The following FER variants were observed in gnomAD, a reference collection of about 807,000 sequenced individuals.
FER encodes the protein FER tyrosine kinase, also known as tyrosine-protein kinase Fer.
In FER, 63 loss-of-function variants were observed where a neutral mutation model predicts 111.0. That is an observed-to-expected ratio of 0.57 (90% CI 0.46 to 0.70). The LOEUF is 0.70. Among genes scored for constraint, FER ranks in the 30% least tolerant of loss-of-function variants. The probability of loss-of-function intolerance (pLI) is 0.00; values close to 1 mark genes in which losing one functional copy is unlikely to be tolerated. For missense variants in FER, 914 were observed against 954.0 expected (o/e 0.96, Z 0.55); for synonymous variants, 327 against 313.9 (o/e 1.04, Z -0.44).
At chr5:108,803,616 A>AT (rs1028498471) in intron 3 of FER, among the ~76,000 whole-genome samples, 2 of 151,762 alleles carry the variant, frequency 1.3e-5, no homozygotes, top group African/African-American at 4.8e-5. Flanking sequence ...CTTATTTTTG[A>AT]TGAAAGATCA....
rs147894224 is a variant in FER, at chr5:108,968,185, G to A, written c.1656+8838G>A. 3.2e-3 allele frequency among the ~76,000 whole-genome samples: 484 copies of A among 152,304 alleles called. 4 individuals are homozygous for A. Among genetic ancestry groups the A allele is most frequent in the African/African-American group, 0.011 (462 of 41,562 alleles). On this transcript the variant is annotated intron_variant, in intron 13 of 19. Coordinates refer to ENST00000281092, the MANE Select transcript of FER (RefSeq NM_005246.4). ...AGGTATCACTTGAGGTCAGGAGTTCGAGACAAGCCTGGCCAACATGGCAAA... is the reference window on the plus strand; with the variant it reads ...AGGTATCACTTGAGGTCAGGAGTTCAAGACAAGCCTGGCCAACATGGCAAA...
intron 10 of FER, among the ~76,000 whole-genome samples, chr5:108,922,357 G>A (rs1325235609): frequency 3.3e-5 from 5 of 152,178 alleles, no homozygotes; most frequent in African/African-American, 9.7e-5. Flanking sequence ...GGTCTTCCTA[G>A]TGAGGTATCT....
chr5:109,052,109 G>A, intron 16 of FER: 1 of 1,605,190 alleles, frequency 6.2e-7, no homozygotes, highest in Middle Eastern at 1.7e-4. Flanking sequence ...CCATCAGTTT[G>A]GGCAACCTTG....
chr5:109,119,755 C>T (rs1036901672), intron 17 of FER, among the ~76,000 whole-genome samples: 2 of 151,954 alleles, frequency 1.3e-5, no homozygotes, highest in African/African-American at 4.8e-5. Context: ...CCAAGAGTTC[C>T]TTTTTCTCCA....
chr5:109,014,801 C>G (rs1766822448), intron 13 of FER: 1 of 152,146 alleles, frequency 6.6e-6, no homozygotes, highest in East Asian at 1.9e-4. Flanking sequence ...CCATCACGTC[C>G]CTTGTAAGTT....
At chr5:109,014,539 G>A (rs1156543883) in intron 13 of FER, among the ~76,000 whole-genome samples, 1 of 152,126 alleles carries the variant, frequency 6.6e-6, no homozygotes. Flanking sequence ...TTGTTCTTTT[G>A]GCTTAGGATT....
intron 17 of FER, among the ~76,000 whole-genome samples, chr5:109,165,967 A>G (rs889276168): frequency 6.6e-6 from 1 of 152,010 alleles, no homozygotes; most frequent in African/African-American, 2.4e-5. Context: ...AAGGCAGGGG[A>G]AAGGGGTTGT....
intron 17 of FER, among the ~76,000 whole-genome samples, chr5:109,103,718 CTT>C (rs1419735624): frequency 6.6e-6 from 1 of 152,036 alleles, no homozygotes; most frequent in East Asian, 1.9e-4. Context: ...CACTGATAAA[CTT>C]TGTGGTGTGT....
At chr5:109,172,379 C>T (rs185150749) in intron 17 of FER, among the ~76,000 whole-genome samples, 1 of 149,698 alleles carries the variant, frequency 6.7e-6, no homozygotes, top group Admixed American at 6.7e-5. Flanking sequence ...TAAACTATCG[C>T]AAGGACAAAA....
chr5:109,127,364 T>C (rs1292548321), intron 17 of FER, among the ~76,000 whole-genome samples: 1 of 152,306 alleles, frequency 6.6e-6, no homozygotes, highest in East Asian at 1.9e-4. Context: ...TCATATAATA[T>C]GTGCCTCAAC....
intron 18 of FER, among the ~76,000 whole-genome samples, chr5:109,182,985 G>C (rs1371915981): frequency 6.6e-6 from 1 of 152,162 alleles, no homozygotes; most frequent in Non-Finnish European, 1.5e-5. Flanking sequence ...GGGACTGCAG[G>C]CATGAGCCAT....
At chr5:108,882,010 TC>T (rs1765727210) in intron 8 of FER, among the ~76,000 whole-genome samples, 1 of 152,162 alleles carries the variant, frequency 6.6e-6, no homozygotes, top group African/African-American at 2.4e-5. Flanking sequence ...TAAAATTGTA[TC>T]TTAGAAAAAC....
At chr5:108,763,265 A>G (rs1012204313) in intron 1 of FER, among the ~76,000 whole-genome samples, 53 of 152,226 alleles carry the variant, frequency 3.5e-4, no homozygotes, top group African/African-American at 1.3e-3. Context: ...ATACTTTTAT[A>G]TACATACATT....
chr5:109,118,331 C>T (rs1750532524), intron 17 of FER, among the ~76,000 whole-genome samples: 1 of 152,134 alleles, frequency 6.6e-6, no homozygotes, highest in Non-Finnish European at 1.5e-5. Flanking sequence ...TATGTTGAAC[C>T]AGCCTTGCAT....
At chr5:109,115,385 G>C (rs147655966) in intron 17 of FER, among the ~76,000 whole-genome samples, 1 of 152,230 alleles carries the variant, frequency 6.6e-6, no homozygotes, top group African/African-American at 2.4e-5. Context: ...ATTGAAACCA[G>C]GTATTTTCCA....
chr5:108,875,350 TATATA>T (rs1216960346), intron 8 of FER, among the ~76,000 whole-genome samples: 1 of 152,068 alleles, frequency 6.6e-6, no homozygotes, highest in Non-Finnish European at 1.5e-5. Flanking sequence ...GTATCTATTA[TATATA>T]ATATAATTTC....
At chr5:108,995,958 C>A (rs1763929031) in intron 13 of FER, among the ~76,000 whole-genome samples, 1 of 152,214 alleles carries the variant, frequency 6.6e-6, no homozygotes, top group Non-Finnish European at 1.5e-5. Context: ...GATCACCATT[C>A]TAACTGGTGT....
At chr5:108,990,881 A>C (rs1031506017) in intron 13 of FER, among the ~76,000 whole-genome samples, 1 of 151,842 alleles carries the variant, frequency 6.6e-6, no homozygotes, top group African/African-American at 2.4e-5. Flanking sequence ...ATGATTTTTC[A>C]CACTGATACT....
chr5:109,189,127 T>TAAC lies in FER; in HGVS notation c.*1553_*1555dup, dbSNP rs1482654895. On this transcript the variant is annotated 3_prime_UTR_variant, in exon 20 of 20. Coordinates refer to ENST00000281092, the MANE Select transcript of FER (RefSeq NM_005246.4). ...GAAGATGTCTCATGTGAATAAAATGTAACTCACTCACTCAGTTAAAACTAG... is the reference window on the plus strand; with the variant it reads ...GAAGATGTCTCATGTGAATAAAATGTAACAACTCACTCACTCAGTTAAAACTAG... 2.0e-5 allele frequency: 3 copies of TAAC among 152,354 alleles called. 1 individual carries two copies. The highest frequency in any genetic ancestry group is 7.2e-5 in the African/African-American group (3 of 41,576). The allele number at this position is 152,354 out of a possible 1,614,324, so 9.4% of individuals were successfully genotyped here. A position where few individuals can be genotyped will look rare whatever the true frequency, so the allele number is the denominator to read the frequency against.
Sources: allele counts gnomAD v4.1 joint callset (sites outside exome capture counted in the v4.1 genomes callset), GRCh38; gene constraint gnomAD v4.1.1; transcripts MANE v1.5; gene names NCBI Gene and HGNC (gene_info 2026-07-23, HGNC 2026-07-21).